Variants in MXD1 observed in about 807,000 individuals in gnomAD.
The protein encoded by MXD1 is MAX-binding protein.
MXD1 carries 9 observed loss-of-function variants against 25.7 expected under a neutral mutation model. That is an observed-to-expected ratio of 0.35 (90% CI 0.21 to 0.61). The LOEUF (loss-of-function observed/expected upper bound fraction) is 0.61. MXD1 is among the 20% of genes least tolerant of loss of function. MXD1 has a pLI of 0.75. For synonymous variants in MXD1, 99 were observed against 113.9 expected, an observed-to-expected ratio of 0.87 and a Z score of 0.83; for missense variants, 227 against 292.4, an observed-to-expected ratio of 0.78 and a Z score of 1.63.
intron 3 of MXD1, among the ~76,000 whole-genome samples, chr2:69,928,224 G>A (rs1677208197): frequency 6.6e-6 from 1 of 152,076 alleles, no homozygotes; most frequent in East Asian, 1.9e-4. Context: ...ATTTAATTGG[G>A]TAAGTCTGGC....
In MXD1 at chr2:69,915,874, T is replaced by A. The variant is rs1205554787; in HGVS notation, c.74-247T>A. On this transcript the variant is annotated intron_variant, in intron 1 of 5. Transcript: ENST00000264444. The surrounding 1 kb of genome is among the most constrained non-coding windows in gnomAD (Gnocchi z 5.8). ...TAGCCAGTGGGAAACCCAGGCTGCG[T>A]GAGCCTAGCCACTACTGTGTCTTTC... 6.6e-6 allele frequency among the ~76,000 whole-genome samples: 1 copy of A among 152,272 alleles called. No individual in the cohort carries two copies.
At chr2:69,936,269 A>G (rs1270697573) in intron 4 of MXD1, among the ~76,000 whole-genome samples, 1 of 152,082 alleles carries the variant, frequency 6.6e-6, no homozygotes, top group Non-Finnish European at 1.5e-5. Context: ...CCCTGTCATA[A>G]CTGACATTTG....
intron 3 of MXD1, among the ~76,000 whole-genome samples, chr2:69,934,634 C>T (rs1018177141): frequency 1.3e-5 from 2 of 152,200 alleles, no homozygotes; most frequent in Non-Finnish European, 2.9e-5. Context: ...TGTCTACATA[C>T]AAGAAAACAT....
chr2:69,917,967 T>A (rs1012481095), intron 2 of MXD1, among the ~76,000 whole-genome samples: 17 of 152,348 alleles, frequency 1.1e-4, no homozygotes, highest in African/African-American at 4.1e-4. Context: ...TGTAAGGATT[T>A]CTGAGAGACC....
Position 69,915,520 on chromosome 2 carries a change from G to GCT in MXD1, c.73+119_73+120dup, listed in dbSNP as rs1452073299. On this transcript the variant is annotated intron_variant, in intron 1 of 5. Coordinates refer to ENST00000264444, the MANE Select transcript of MXD1 (RefSeq NM_002357.4). The surrounding 1 kb of genome is among the most constrained non-coding windows in gnomAD (Gnocchi z 5.8). ...GGTTGGAGGCGGGGAGACCGCGAGC[G>GCT]CTCCCAACCCCTCTGGCTCTCCCCA... The GCT allele has an allele frequency of 2.5e-6, 2 of 785,082 alleles. No homozygotes were observed. Among genetic ancestry groups the GCT allele is most frequent in the Admixed American group, 4.3e-5 (1 of 23,164 alleles). 48.6% of individuals were successfully genotyped at this position (785,082 alleles called of 1,614,324 possible). A position where few individuals can be genotyped will look rare whatever the true frequency, so the allele number is the denominator to read the frequency against.
At chr2:69,929,043 G>A (rs2104186544) in intron 3 of MXD1, among the ~76,000 whole-genome samples, 1 of 152,238 alleles carries the variant, frequency 6.6e-6, no homozygotes, top group South Asian at 2.1e-4. Flanking sequence ...ACAGATGTGT[G>A]CCACCGCACC....
In MXD1 at chr2:69,940,176, A is replaced by G. The variant is rs1677563883; in HGVS notation, c.*1892A>G. On this transcript the variant is annotated 3_prime_UTR_variant, in exon 6 of 6. Transcript: ENST00000264444. The stretch of plus-strand genomic sequence containing the variant: ...TTTTTTTTTTTTTTTAATTTTTGGA[A>G]TCTTTTCCAATAACCAGCTAAAGAT... 1 of 147,968 alleles carries G rather than the reference A, an allele frequency of 6.8e-6. No homozygotes were observed. Among genetic ancestry groups the G allele is most frequent in the Admixed American group, 6.7e-5 (1 of 14,874 alleles). 9.2% of individuals were successfully genotyped at this position (147,968 alleles called of 1,614,324 possible).
At chr2:69,933,733 T>A (rs1379520281) in intron 3 of MXD1, among the ~76,000 whole-genome samples, 1 of 152,232 alleles carries the variant, frequency 6.6e-6, no homozygotes. Context: ...ACTTCTTACA[T>A]TAATATCATG....
intron 1 of MXD1, 52 bp from the exon 2 acceptor site, chr2:69,916,069 G>A (rs754852907): frequency 1.3e-5 from 12 of 933,900 alleles, no homozygotes; most frequent in Non-Finnish European, 2.1e-5. Context: ...AGAGAGGAGA[G>A]AGCATTAAAT....
At position 69,940,650 on chromosome 2, in the gene MXD1, CTGTT is replaced by C. The variant is rs1677574663; in HGVS notation, c.*2370_*2373del. 6.6e-6 allele frequency: 1 copy of C among 152,660 alleles called. No individual in the cohort carries two copies. Among genetic ancestry groups the C allele is most frequent in the Non-Finnish European group, 1.5e-5 (1 of 68,038 alleles). The allele number at this position is 152,660 out of a possible 1,614,324, so 9.5% of individuals were successfully genotyped here. On this transcript the variant is annotated 3_prime_UTR_variant, in exon 6 of 6. Coordinates refer to ENST00000264444, the MANE Select transcript of MXD1 (RefSeq NM_002357.4). ...AAACAGTAATTATTTGACCTTTGCACTGTTTGTCTGGTCCTTTTCAGTTTGATTG... is the reference window on the plus strand; with the variant it reads ...AAACAGTAATTATTTGACCTTTGCACTGTCTGGTCCTTTTCAGTTTGATTG...
chr2:69,920,675 A>G (rs1327131695), intron 2 of MXD1, among the ~76,000 whole-genome samples: 3 of 152,214 alleles, frequency 2.0e-5, no homozygotes, highest in Admixed American at 2.0e-4. Flanking sequence ...CACAGAATTC[A>G]TGAGCTGAAC....
chr2:69,924,830 C>T (rs573601270), intron 3 of MXD1, among the ~76,000 whole-genome samples: 1 of 151,896 alleles, frequency 6.6e-6, no homozygotes, highest in East Asian at 1.9e-4. Context: ...CTTGATATTG[C>T]AGAGTTGATT....
At position 69,917,734 on chromosome 2, in the gene MXD1, G is replaced by A. The variant is rs1676986652; in HGVS notation, c.173+1514G>A. ...ATGTTGAAGTGGCTTGGTCCCAAAA[G>A]GTGATTAGGAAAGAAAAATAATAGT... On this transcript the variant is annotated intron_variant, in intron 2 of 5. Transcript: ENST00000264444. 3.3e-5 allele frequency among the ~76,000 whole-genome samples: 5 copies of A among 151,694 alleles called. No homozygotes were observed. The South Asian group carries it at 1.0e-3, about 32-fold the overall frequency.
chr2:69,937,384 C>G lies in MXD1; in HGVS notation c.468C>G (p.Asp156Glu). ...IGSTVSSERSDSDREEIDVDV... is the reference protein window; with the variant it reads ...IGSTVSSERSESDREEIDVDV... ...CCACCGTCTCCTCGGAGCGCTCCGA[C>G]TCCGACAGGGGTGAGCCTCTCTCAC... Residue 156 changes from aspartate (D) to glutamate (E), a missense_variant, in exon 5 of 6, where the codon GAC becomes GAG. By Grantham distance (45) the Asp-to-Glu change is conservative. Transcript: ENST00000264444. The G allele has an allele frequency of 6.2e-7, 1 of 1,607,116 alleles. No homozygotes were observed. The highest frequency in any genetic ancestry group is 1.1e-5 in the South Asian group (1 of 90,334).
At chr2:69,916,265 G>C (rs1448015510) in intron 2 of MXD1, 45 bp downstream of exon 2, 2 of 1,177,674 alleles carry the variant, frequency 1.7e-6, no homozygotes, top group East Asian at 2.5e-5. Context: ...TTATATTGTA[G>C]GTGACACAAA....
chr2:69,930,676 G>T (rs1343218920), intron 3 of MXD1, among the ~76,000 whole-genome samples: 1 of 152,218 alleles, frequency 6.6e-6, no homozygotes, highest in Non-Finnish European at 1.5e-5. Flanking sequence ...GATTTTGCCA[G>T]ATAGCCTCTG....
chr2:69,918,847 T>C (rs1386899591), intron 2 of MXD1, among the ~76,000 whole-genome samples: 1 of 152,212 alleles, frequency 6.6e-6, no homozygotes, highest in Non-Finnish European at 1.5e-5. Flanking sequence ...GTTCTTACAG[T>C]GCTTTAATTA....
rs1677574474 is a variant in MXD1, at chr2:69,940,644, T to C, written c.*2360T>C. 6.6e-6 allele frequency: 1 copy of C among 152,668 alleles called. No homozygotes were observed. The highest frequency in any genetic ancestry group is 2.1e-4 in the South Asian group (1 of 4,834). 9.5% of individuals were successfully genotyped at this position (152,668 alleles called of 1,614,324 possible). ...AATATAAAACAGTAATTATTTGACCTTTGCACTGTTTGTCTGGTCCTTTTC... is the reference window on the plus strand; with the variant it reads ...AATATAAAACAGTAATTATTTGACCCTTGCACTGTTTGTCTGGTCCTTTTC... On this transcript the variant is annotated 3_prime_UTR_variant, in exon 6 of 6. Transcript: ENST00000264444.
At position 69,940,040 on chromosome 2, in the gene MXD1, G is replaced by A. The variant is rs1036037949; in HGVS notation, c.*1756G>A. On this transcript the variant is annotated 3_prime_UTR_variant, in exon 6 of 6. Coordinates refer to ENST00000264444, the MANE Select transcript of MXD1 (RefSeq NM_002357.4). ...TCTAAACATTCTGATTGGAAGTAGT[G>A]GATTCCTAAATGATTCCAAAGTCAC... 1.4e-5 allele frequency: 2 copies of A among 140,890 alleles called. No homozygotes were observed. The highest frequency in any genetic ancestry group is 5.3e-5 in the African/African-American group (2 of 37,562). 8.7% of individuals were successfully genotyped at this position (140,890 alleles called of 1,614,324 possible).
Sources: gnomAD v4.1 joint callset for allele counts (sites outside exome capture counted in the v4.1 genomes callset) on GRCh38, gnomAD v4.1.1 for gene constraint, Gnocchi (gnomAD v3.1) non-coding constraint, MANE v1.5 for transcripts, NCBI Gene and HGNC (gene_info 2026-07-23, HGNC 2026-07-21) for gene names.